Variants in PADI3 observed in about 807,000 individuals in gnomAD.
PADI3 encodes peptidyl arginine deiminase 3.
In PADI3, 53 loss-of-function variants were observed where a neutral mutation model predicts 71.5. The ratio of observed to expected loss-of-function variants is 0.74; its 90% CI spans 0.59 to 0.93. The LOEUF (loss-of-function observed/expected upper bound fraction) is 0.93, where lower values mean the gene tolerates loss of function less well. PADI3 is among the 40% of genes least tolerant of loss of function. The probability of loss-of-function intolerance (pLI) is 0.00; values close to 1 mark genes in which losing one functional copy is unlikely to be tolerated. For synonymous variants in PADI3, 361 were observed against 347.5 expected (o/e 1.04, Z -0.43); for missense variants, 821 against 868.0 (o/e 0.95, Z 0.68).
intron 1 of PADI3, among the ~76,000 whole-genome samples, chr1:17,259,305 G>A (rs1162845416): frequency 6.6e-6 from 1 of 152,122 alleles, no homozygotes; most frequent in African/African-American, 2.4e-5. Context: ...TGATCCGCCC[G>A]CCTCGGCTTC....
intron 6 of PADI3, among the ~76,000 whole-genome samples, chr1:17,268,560 T>C (rs1345554112): frequency 2.2e-5 from 3 of 136,138 alleles, no homozygotes; most frequent in Non-Finnish European, 4.6e-5. Context: ...CAGGCTGGAG[T>C]ACAGTGGCGT....
intron 5 of PADI3, 147 bp from the exon 6 acceptor site, chr1:17,267,690 C>T (rs1248751683): frequency 1.2e-6 from 1 of 828,124 alleles, no homozygotes; most frequent in African/African-American, 1.7e-5. Flanking sequence ...ATGGTTTGTT[C>T]TTGATGGCTT....
intron 10 of PADI3, among the ~76,000 whole-genome samples, 175 bp from the exon 11 acceptor site, chr1:17,274,460 G>A (rs779194158): frequency 6.6e-6 from 1 of 152,208 alleles, no homozygotes; most frequent in Non-Finnish European, 1.5e-5. Flanking sequence ...CCTGCTATGC[G>A]TGCATGAAAT....
intron 15 of PADI3, 149 bp downstream of exon 15, chr1:17,280,945 G>A: frequency 2.0e-6 from 2 of 1,006,774 alleles, no homozygotes; most frequent in Non-Finnish European, 2.9e-6. Flanking sequence ...GTGCTCCTCA[G>A]AAGGGCTTCT....
At chr1:17,270,654 A>G (rs1214657690) in intron 7 of PADI3, among the ~76,000 whole-genome samples, 1 of 152,062 alleles carries the variant, frequency 6.6e-6, no homozygotes. Flanking sequence ...CCTGTCTCCA[A>G]AAAATAATAA....
chr1:17,268,759 G>T (rs939130555), intron 6 of PADI3, among the ~76,000 whole-genome samples: 3 of 151,842 alleles, frequency 2.0e-5, no homozygotes, highest in African/African-American at 7.3e-5. Context: ...TGCCCGCCTC[G>T]GCCTCCCAAA....
chr1:17,250,536 G>C (rs1232293327), intron 1 of PADI3, among the ~76,000 whole-genome samples: 1 of 152,180 alleles, frequency 6.6e-6, no homozygotes, highest in Non-Finnish European at 1.5e-5. Flanking sequence ...ATGAGAGGGG[G>C]TGAGGAGCTG....
In PADI3 at chr1:17,251,121, A is replaced by T. The variant is rs150270980; in HGVS notation, c.92+1892A>T. Among the ~76,000 whole-genome samples the T allele has an allele frequency of 2.9e-3, 444 of 152,326 alleles. 3 individuals are homozygous for T. The highest frequency in any genetic ancestry group is 7.4e-3 in the South Asian group (36 of 4,834). ...TTCTTTTGGGTCTAGTGTGTGTACC[A>T]TTCAGAGCCTTGAAGGATGAGCACA... On this transcript the variant is annotated intron_variant, in intron 1 of 15. Coordinates refer to ENST00000375460, the MANE Select transcript of PADI3 (RefSeq NM_016233.2).
At chr1:17,249,910 T>A (rs1201507851) in intron 1 of PADI3, among the ~76,000 whole-genome samples, 1 of 152,208 alleles carries the variant, frequency 6.6e-6, no homozygotes, top group East Asian at 1.9e-4. Context: ...GTCTTATGGT[T>A]TTAGCTGCTC....
chr1:17,261,298 G>A (rs186499948), intron 2 of PADI3, among the ~76,000 whole-genome samples: 35 of 152,182 alleles, frequency 2.3e-4, no homozygotes, highest in Non-Finnish European at 4.6e-4. Context: ...CAGTTCTTGA[G>A]TGCTCGCTGT....
At chr1:17,258,558 G>A (rs986064969) in intron 1 of PADI3, among the ~76,000 whole-genome samples, 4 of 152,232 alleles carry the variant, frequency 2.6e-5, no homozygotes, top group African/African-American at 7.2e-5. Flanking sequence ...AAGTTTCCCG[G>A]GTGACACTGC....
intron 5 of PADI3, among the ~76,000 whole-genome samples, chr1:17,267,539 C>T (rs2073186575): frequency 6.6e-6 from 1 of 152,230 alleles, no homozygotes; most frequent in African/African-American, 2.4e-5. Context: ...AGAACCCTTA[C>T]CTGCACGACG....
chr1:17,282,613 C>G (rs2073414876), intron 15 of PADI3, among the ~76,000 whole-genome samples: 1 of 152,226 alleles, frequency 6.6e-6, no homozygotes, highest in Non-Finnish European at 1.5e-5. Flanking sequence ...TCCAAATTCA[C>G]ATTAGGGCAG....
chr1:17,255,925 CA>C (rs2073021475), intron 1 of PADI3, among the ~76,000 whole-genome samples: 1 of 152,212 alleles, frequency 6.6e-6, no homozygotes, highest in South Asian at 2.1e-4. Context: ...CCAGGGACCA[CA>C]GGCTCAAGTA....
chr1:17,269,419 T>C (rs1240417749), intron 6 of PADI3, among the ~76,000 whole-genome samples: 1 of 152,230 alleles, frequency 6.6e-6, no homozygotes, highest in African/African-American at 2.4e-5. Context: ...TCATAGTGGT[T>C]TGCAGTGTTT....
In PADI3 at chr1:17,280,370, A is replaced by T. The variant is rs75411773; in HGVS notation, c.1576A>T (p.Ile526Phe). Residue 526 changes from isoleucine (I) to phenylalanine (F), a missense_variant, in exon 14 of 16, where the codon ATC becomes TTC. By Grantham distance (21) the Ile-to-Phe change is conservative. Coordinates refer to ENST00000375460, the MANE Select transcript of PADI3 (RefSeq NM_016233.2). The part of the protein sequence containing the change: ...GVVDDEQVKT[I>F]SINQVLSNKD... Reference sequence around the variant, plus strand: ...CACAGATGATGAGCAGGTCAAGACCATCTCCATCAACCAGGTGCTCTCCAA... The same window carrying T: ...CACAGATGATGAGCAGGTCAAGACCTTCTCCATCAACCAGGTGCTCTCCAA... 1 of 1,613,978 alleles carries T rather than the reference A, an allele frequency of 6.2e-7. No individual in the cohort carries two copies. Among genetic ancestry groups the T allele is most frequent in the African/African-American group, 1.3e-5 (1 of 75,054 alleles).
At position 17,262,222 on chromosome 1, in the gene PADI3, G is replaced by T; in HGVS notation, c.346+17G>T. ...CCTGTGTTGGTAAGTTGGGGGCCATGTTGATGGTGTGGCCAAGGGCACATT... is the reference window on the plus strand; with the variant it reads ...CCTGTGTTGGTAAGTTGGGGGCCATTTTGATGGTGTGGCCAAGGGCACATT... On this transcript the variant is annotated intron_variant, in intron 3 of 15. Transcript: ENST00000375460. 6.3e-7 allele frequency: 1 copy of T among 1,589,124 alleles called. No homozygotes were observed. The highest frequency in any genetic ancestry group is 2.3e-5 in the East Asian group (1 of 44,234).
chr1:17,271,210 G>A (rs1181684330), intron 9 of PADI3, 32 bp downstream of exon 9: 2 of 1,582,472 alleles, frequency 1.3e-6, no homozygotes, highest in South Asian at 1.1e-5. Context: ...GGCCCAGCAA[G>A]GACGCCATCC....
intron 13 of PADI3, chr1:17,278,043 ACAGGGTGGGCCC>A (rs2073357022): frequency 6.5e-6 from 1 of 153,110 alleles, no homozygotes; most frequent in African/African-American, 2.4e-5. Flanking sequence ...TGTGAGGCCC[ACAGGGTGGGCCC>A]TGACACCAGC....
Sources: gnomAD v4.1 joint callset for allele counts (sites outside exome capture counted in the v4.1 genomes callset) on GRCh38, gnomAD v4.1.1 for gene constraint, MANE v1.5 for transcripts, NCBI Gene and HGNC (gene_info 2026-07-23, HGNC 2026-07-21) for gene names.